Variants in ACTR3C observed in about 807,000 individuals in gnomAD.
ACTR3C encodes actin related protein 3C, also known as actin-related protein 3C.
ACTR3C carries 18 observed loss-of-function variants against 26.3 expected under a neutral mutation model. The ratio of observed to expected loss-of-function variants is 0.68; its 90% CI spans 0.47 to 1.01. The LOEUF is 1.01. Among genes scored for constraint, ACTR3C ranks in the 50% least tolerant of loss-of-function variants. ACTR3C has a pLI of 0.00. For missense variants in ACTR3C, 184 were observed against 250.7 expected (o/e 0.73, Z 1.80); for synonymous variants, 55 against 94.5 (o/e 0.58, Z 2.42).
the ACTR3C span, among the ~76,000 whole-genome samples, chr7:149,966,192 C>A: frequency 6.6e-6 from 1 of 152,080 alleles, no homozygotes; most frequent in African/African-American, 2.4e-5. Flanking sequence ...GTTGGTATAT[C>A]CTGCAGGCTC....
At chr7:150,127,477 C>G in the ACTR3C span, among the ~76,000 whole-genome samples, 1 of 151,896 alleles carries the variant, frequency 6.6e-6, no homozygotes, top group Non-Finnish European at 1.5e-5. Context: ...CCTTTCTAGA[C>G]TTCCATCAGC....
At chr7:150,101,234 A>G in the ACTR3C span, among the ~76,000 whole-genome samples, 8 of 151,668 alleles carry the variant, frequency 5.3e-5, no homozygotes, top group Admixed American at 2.0e-4. Context: ...CATAAGGTCA[A>G]ACAAAGCCTT....
chr7:150,285,651 T>C (rs1835720694), intron 5 of ACTR3C, among the ~76,000 whole-genome samples: 1 of 152,232 alleles, frequency 6.6e-6, no homozygotes, highest in Non-Finnish European at 1.5e-5. Flanking sequence ...GCTATTTCTC[T>C]GTACAAAATA....
the ACTR3C span, among the ~76,000 whole-genome samples, chr7:150,071,178 C>T: frequency 1.3e-5 from 2 of 151,766 alleles, no homozygotes; most frequent in South Asian, 2.1e-4. Context: ...GGCTGGAGTA[C>T]AGTGGTGCGA....
At chr7:150,221,717 G>A in the ACTR3C span, among the ~76,000 whole-genome samples, 26 of 152,178 alleles carry the variant, frequency 1.7e-4, no homozygotes, top group East Asian at 5.0e-3. Context: ...CCCCTTGGCC[G>A]GGCACGGTGG....
chr7:150,091,824 T>C, the ACTR3C span, among the ~76,000 whole-genome samples: 1 of 145,222 alleles, frequency 6.9e-6, no homozygotes, highest in Non-Finnish European at 1.5e-5. Flanking sequence ...CTACTAAAAA[T>C]ACAAAAAAAA....
At chr7:149,992,466 T>C in the ACTR3C span, among the ~76,000 whole-genome samples, 1 of 152,312 alleles carries the variant, frequency 6.6e-6, no homozygotes, top group African/African-American at 2.4e-5. Flanking sequence ...ATGATCTTCA[T>C]AAAATATGAC....
At chr7:149,892,370 T>C in the ACTR3C span, 1 of 1,579,692 alleles carries the variant, frequency 6.3e-7, no homozygotes, top group African/African-American at 1.4e-5. Flanking sequence ...CTTGGTCAAC[T>C]ACCTTTGCTG....
At chr7:150,299,483 A>AC (rs1563196632) in intron 1 of ACTR3C, among the ~76,000 whole-genome samples, 2 of 145,426 alleles carry the variant, frequency 1.4e-5, no homozygotes, top group Non-Finnish European at 3.0e-5. Context: ...AAAAAAAAAA[A>AC]AAAAAAAAAA....
chr7:150,037,997 C>G, the ACTR3C span, among the ~76,000 whole-genome samples: 13 of 134,626 alleles, frequency 9.7e-5, no homozygotes, highest in East Asian at 2.1e-4. Context: ...CCCCGCCTCG[C>G]GGGAATTGCC....
chr7:149,928,893 C>T, the ACTR3C span, among the ~76,000 whole-genome samples: 1 of 151,952 alleles, frequency 6.6e-6, no homozygotes, highest in Admixed American at 6.6e-5. Context: ...CCTGAATGAG[C>T]TTCACTTGGC....
chr7:149,967,679 T>A, the ACTR3C span, among the ~76,000 whole-genome samples: 1 of 152,200 alleles, frequency 6.6e-6, no homozygotes. Flanking sequence ...GCTAGCTAGA[T>A]AAGCCTCTTG....
chr7:150,071,345 C>T, the ACTR3C span, among the ~76,000 whole-genome samples: 6 of 150,022 alleles, frequency 4.0e-5, no homozygotes, highest in Admixed American at 1.3e-4. Flanking sequence ...AGGATGGTCT[C>T]GATCTCCTGA....
At position 150,250,341 on chromosome 7, in the gene ACTR3C, C is replaced by T. The variant is rs1462569760; in HGVS notation, c.565-1287G>A. ...GCCTCAGCCTCCCGAGTAGCTGGGACCACAGGCGCCCGCCACTACACCCGG... is the reference window on the plus strand; with the variant it reads ...GCCTCAGCCTCCCGAGTAGCTGGGATCACAGGCGCCCGCCACTACACCCGG... On this transcript the variant is annotated intron_variant, in intron 6 of 7. Coordinates refer to ENST00000683684, the MANE Select transcript of ACTR3C (RefSeq NM_001164458.2). Among the ~76,000 whole-genome samples the T allele has an allele frequency of 5.3e-5, 8 of 150,964 alleles. No homozygotes were observed. The East Asian group carries it at 1.6e-3, about 29-fold the overall frequency.
At chr7:150,096,979 C>T in the ACTR3C span, among the ~76,000 whole-genome samples, 1 of 152,208 alleles carries the variant, frequency 6.6e-6, no homozygotes, top group Non-Finnish European at 1.5e-5. Flanking sequence ...CAGAAGCAAG[C>T]AAGCCAGTGA....
intron 6 of ACTR3C, among the ~76,000 whole-genome samples, chr7:150,256,068 A>C (rs966582059): frequency 3.9e-5 from 6 of 152,238 alleles, no homozygotes; most frequent in Non-Finnish European, 8.8e-5. Context: ...TTAAGACCCT[A>C]CAGAAGCTGC....
the ACTR3C span, among the ~76,000 whole-genome samples, chr7:150,227,486 T>G: frequency 4.0e-5 from 6 of 151,450 alleles, no homozygotes; most frequent in East Asian, 1.2e-3. Context: ...AGAGTAGATG[T>G]TTTTAATTTT....
chr7:149,971,871 A>G, the ACTR3C span, among the ~76,000 whole-genome samples: 1 of 152,220 alleles, frequency 6.6e-6, no homozygotes, highest in Non-Finnish European at 1.5e-5. Flanking sequence ...CCCTGACTGC[A>G]TCTCAGCTGT....
chr7:150,242,997 A>C (rs147747664), downstream of ACTR3C, among the ~76,000 whole-genome samples: 16,759 of 152,188 alleles, frequency 0.11, 1,536 homozygotes, highest in African/African-American at 0.24. Flanking sequence ...TGACACTTGC[A>C]TTACAAATTA....
Sources: allele counts gnomAD v4.1 joint callset (sites outside exome capture counted in the v4.1 genomes callset), GRCh38; gene constraint gnomAD v4.1.1; transcripts MANE v1.5; gene names NCBI Gene and HGNC (gene_info 2026-07-23, HGNC 2026-07-21).